The following LRP11 variants were observed in gnomAD, a reference collection of about 807,000 sequenced individuals.
LRP11 encodes LDL receptor related protein 11.
Under a neutral mutation model 43.1 loss-of-function variants are expected in LRP11, and 25 were observed. That is an observed-to-expected ratio of 0.58 (90% CI 0.42 to 0.81). LRP11 has a LOEUF of 0.81. Among genes scored for constraint, LRP11 ranks in the 30% least tolerant of loss-of-function variants. LRP11 has a pLI of 0.00. For synonymous variants in LRP11, 316 were observed against 299.4 expected (o/e 1.06, Z -0.57); for missense variants, 623 against 665.1 (o/e 0.94, Z 0.70).
chr6:149,859,072 A>G (rs1776845610), intron 1 of LRP11, among the ~76,000 whole-genome samples: 1 of 151,918 alleles, frequency 6.6e-6, no homozygotes, highest in Admixed American at 6.6e-5. Context: ...CCTTTTCCTA[A>G]AAAATATTCC....
At chr6:149,854,095 C>T (rs1057329653) in intron 1 of LRP11, among the ~76,000 whole-genome samples, 2 of 152,144 alleles carry the variant, frequency 1.3e-5, no homozygotes, top group African/African-American at 4.8e-5. Flanking sequence ...CAGATGACTA[C>T]AACAGCAAAA....
intron 3 of LRP11, chr6:149,842,697 C>T (rs1216049713): frequency 1.3e-6 from 2 of 1,550,176 alleles, no homozygotes; most frequent in Admixed American, 2.0e-5. Context: ...AGTCCTCTCC[C>T]AGAATAGCCA....
At chr6:149,835,526 T>G (rs772537561) in intron 5 of LRP11, among the ~76,000 whole-genome samples, 12 of 152,168 alleles carry the variant, frequency 7.9e-5, no homozygotes, top group Non-Finnish European at 1.3e-4. Flanking sequence ...GAGGATCATG[T>G]GAGTTTGGGA....
rs751021434 is a variant in LRP11 at position 149,836,266 on chromosome 6, C to T, written c.1071G>A (p.Thr357=). 3.3e-5 allele frequency: 54 copies of T among 1,614,036 alleles called. No homozygotes were observed. Among genetic ancestry groups the T allele is most frequent in the Non-Finnish European group, 4.2e-5 (50 of 1,180,044 alleles). Residue 357 remains threonine (T), a synonymous_variant, in exon 5 of 7, where the codon ACG becomes ACA. Coordinates refer to ENST00000239367, the MANE Select transcript of LRP11 (RefSeq NM_032832.6). ...LGLDRKMVTH[T]AASPALPRTT... Reference sequence around the variant, plus strand: ...TTCTTGGCAGGGCAGGACTAGCTGCCGTGTGGGTTACCATCTTGCGGTCCA... The same window carrying T: ...TTCTTGGCAGGGCAGGACTAGCTGCTGTGTGGGTTACCATCTTGCGGTCCA...
At chr6:149,842,523 T>A (rs1562441555) in intron 3 of LRP11, 9 of 880,226 alleles carry the variant, frequency 1.0e-5, no homozygotes, top group Non-Finnish European at 1.5e-5. Context: ...CAGTGACACT[T>A]TGTACCCTTT....
intron 5 of LRP11, among the ~76,000 whole-genome samples, chr6:149,832,384 G>A (rs2115379860): frequency 6.6e-6 from 1 of 151,372 alleles, no homozygotes; most frequent in South Asian, 2.1e-4. Flanking sequence ...GTAGAGATGG[G>A]GTTTCACCAT....
At chr6:149,857,232 T>C (rs1776812825) in intron 1 of LRP11, among the ~76,000 whole-genome samples, 1 of 152,178 alleles carries the variant, frequency 6.6e-6, no homozygotes, top group Non-Finnish European at 1.5e-5. Context: ...GTTTACAGTC[T>C]GACTTTGAAA....
chr6:149,848,952 G>A (rs530182567), intron 2 of LRP11, among the ~76,000 whole-genome samples: 286 of 152,268 alleles, frequency 1.9e-3, no homozygotes, highest in Non-Finnish European at 3.4e-3. Flanking sequence ...TGCCATATGA[G>A]GACACAGTGA....
intron 3 of LRP11, among the ~76,000 whole-genome samples, chr6:149,840,303 T>C (rs1378166912): frequency 2.0e-5 from 3 of 152,230 alleles, no homozygotes; most frequent in Non-Finnish European, 4.4e-5. Flanking sequence ...TATTCCAATA[T>C]AACCACTAAG....
At chr6:149,820,994 A>G (rs147171479) in intron 6 of LRP11, among the ~76,000 whole-genome samples, 2,120 of 143,674 alleles carry the variant, frequency 0.015, 28 homozygotes, top group Admixed American at 0.051. Flanking sequence ...GTAATGGCTC[A>G]ATCTCGGCTC....
rs1776745183 is a variant in LRP11 at position 149,853,029 on chromosome 6, G to A, written c.745C>T (p.Gln249Ter). The change falls in exon 2 of 7, where the codon CAG becomes TAG. Residue 249 changes from glutamine to a stop codon, truncating the protein, a stop_gained. Transcript: ENST00000239367. LOFTEE classifies it high-confidence loss of function. The stretch of plus-strand genomic sequence containing the variant: ...TTCATGTCCACTGACGGGTCCCCCT[G>A]CAGCAGTGCCCACTCATACTGGACG... The part of the protein sequence containing the change: ...AIVQYEWALL[Q>*]GDPSVDMKVP... 1 of 1,606,610 alleles carries A rather than the reference G, an allele frequency of 6.2e-7. No homozygotes were observed. Among genetic ancestry groups the A allele is most frequent in the Non-Finnish European group, 8.5e-7 (1 of 1,176,896 alleles).
At position 149,843,080 on chromosome 6, in the gene LRP11, T is replaced by C. The variant is rs768328842; in HGVS notation, c.816A>G (p.Gly272=). 12 of 1,613,988 alleles carry C rather than the reference T, an allele frequency of 7.4e-6. No individual in the cohort carries two copies. The East Asian group carries it at 2.2e-4, about 30-fold the overall frequency. The part of the protein sequence containing the change: ...GTLKLSHLQE[G]TYTFQLTVTD... The stretch of plus-strand genomic sequence containing the variant: ...TCACGGTCAGCTGGAAGGTGTAGGT[T>C]CCCTCCTGTAGGTGGGACAGCTTCA... The change falls in exon 3 of 7, where the codon GGA becomes GGG. Residue 272 remains glycine (G), a synonymous_variant. Coordinates refer to ENST00000239367, the MANE Select transcript of LRP11 (RefSeq NM_032832.6).
At chr6:149,825,123 G>T (rs1776322731) in intron 6 of LRP11, among the ~76,000 whole-genome samples, 1 of 152,114 alleles carries the variant, frequency 6.6e-6, no homozygotes, top group African/African-American at 2.4e-5. Flanking sequence ...TTTTAATATT[G>T]TCCTGATATT....
chr6:149,841,599 T>C (rs1011111354), intron 3 of LRP11, among the ~76,000 whole-genome samples: 1 of 152,230 alleles, frequency 6.6e-6, no homozygotes, highest in African/African-American at 2.4e-5. Flanking sequence ...AAAAATTTGA[T>C]GACCTAATCT....
At chr6:149,824,386 A>G (rs1253584800) in intron 6 of LRP11, among the ~76,000 whole-genome samples, 1 of 152,176 alleles carries the variant, frequency 6.6e-6, no homozygotes, top group Non-Finnish European at 1.5e-5. Flanking sequence ...AATCTCCCAA[A>G]AGTACTTGCC....
chr6:149,842,696 C>T (rs1272928039), intron 3 of LRP11: 3 of 1,550,132 alleles, frequency 1.9e-6, no homozygotes, highest in Non-Finnish European at 2.6e-6. Context: ...AAGTCCTCTC[C>T]CAGAATAGCC....
chr6:149,820,723 G>A lies in LRP11; in HGVS notation c.1349-20C>T. The A allele has an allele frequency of 1.3e-6, 1 of 780,256 alleles. No individual in the cohort carries two copies. Among genetic ancestry groups the A allele is most frequent in the Non-Finnish European group, 2.4e-6 (1 of 417,856 alleles). 48.3% of individuals were successfully genotyped at this position (780,256 alleles called of 1,614,324 possible). ...CTGCACCTTTGAGAAGGTTAGACAT[G>A]AAGAGGGCAAGCCAGTGATTAGTCA... is the stretch of plus-strand genomic sequence containing the variant. On this transcript the variant is annotated intron_variant, in intron 6 of 6. Coordinates refer to ENST00000239367, the MANE Select transcript of LRP11 (RefSeq NM_032832.6).
chr6:149,835,720 T>A (rs1776462165), intron 5 of LRP11, among the ~76,000 whole-genome samples: 1 of 152,342 alleles, frequency 6.6e-6, no homozygotes, highest in South Asian at 2.1e-4. Flanking sequence ...AGACAACTTG[T>A]TTAAATGTTC....
At chr6:149,836,603 C>A (rs979664640) in intron 4 of LRP11, among the ~76,000 whole-genome samples, 19 of 152,082 alleles carry the variant, frequency 1.2e-4, no homozygotes, top group Admixed American at 1.2e-3. Flanking sequence ...CTTGAGCCCA[C>A]GAGTTCGTGA....
Sources: gnomAD v4.1 joint callset for allele counts (sites outside exome capture counted in the v4.1 genomes callset) on GRCh38, gnomAD v4.1.1 for gene constraint, MANE v1.5 for transcripts, NCBI Gene and HGNC (gene_info 2026-07-23, HGNC 2026-07-21) for gene names.